Variants in PRKG1 observed in about 807,000 individuals in gnomAD.
PRKG1 encodes the protein protein kinase cGMP-dependent 1, also known as cGMP-dependent protein kinase 1.
A neutral mutation model predicts 88.1 loss-of-function variants in PRKG1; 35 were observed. The observed-to-expected ratio is 0.40, with a 90% confidence interval of 0.30 to 0.53. The LOEUF (loss-of-function observed/expected upper bound fraction) is 0.53, where lower values mean the gene tolerates loss of function less well. PRKG1 is among the 20% of genes least tolerant of loss of function. The probability of loss-of-function intolerance (pLI) is 0.59; values close to 1 mark genes in which losing one functional copy is unlikely to be tolerated. For synonymous variants in PRKG1, 303 were observed against 292.5 expected, an observed-to-expected ratio of 1.04 and a Z score of -0.37; for missense variants, 540 against 839.8, an observed-to-expected ratio of 0.64 and a Z score of 4.41.
intron 7 of PRKG1, among the ~76,000 whole-genome samples, chr10:52,111,732 A>G (rs764509170): frequency 6.6e-6 from 1 of 152,144 alleles, no homozygotes; most frequent in Non-Finnish European, 1.5e-5. Flanking sequence ...ACTGCTTATA[A>G]CTTTGTGGAG....
At chr10:52,028,701 T>G (rs1056034967) in intron 5 of PRKG1, among the ~76,000 whole-genome samples, 9 of 152,258 alleles carry the variant, frequency 5.9e-5, no homozygotes, top group Non-Finnish European at 1.0e-4. Flanking sequence ...TTTAAGAACC[T>G]ACTTGGAATT....
At chr10:51,708,380 A>C (rs1463452664) in intron 3 of PRKG1, among the ~76,000 whole-genome samples, 3 of 152,152 alleles carry the variant, frequency 2.0e-5, no homozygotes, top group African/African-American at 7.2e-5. Flanking sequence ...TAGGGCTTCA[A>C]CATATGAATT....
chr10:51,689,901 G>A (rs1481276163), intron 3 of PRKG1, among the ~76,000 whole-genome samples: 1 of 152,204 alleles, frequency 6.6e-6, no homozygotes, highest in Admixed American at 6.5e-5. Context: ...ACGGTAGTGT[G>A]CGACATTGGT....
chr10:52,164,631 T>A (rs1470138204), intron 9 of PRKG1, among the ~76,000 whole-genome samples: 4 of 151,854 alleles, frequency 2.6e-5, no homozygotes, highest in African/African-American at 9.7e-5. Flanking sequence ...TCAATTCTAA[T>A]TAAAGAAGAA....
At chr10:51,057,016 G>A (rs956273767) in intron 1 of PRKG1, among the ~76,000 whole-genome samples, 13 of 152,134 alleles carry the variant, frequency 8.5e-5, no homozygotes, top group African/African-American at 2.9e-4. Flanking sequence ...TTTCTTGAAT[G>A]TGTATACATG....
intron 1 of PRKG1, among the ~76,000 whole-genome samples, chr10:51,122,319 A>G (rs1307513298): frequency 6.6e-6 from 1 of 152,234 alleles, no homozygotes; most frequent in Non-Finnish European, 1.5e-5. Context: ...AACAGTAGTG[A>G]GACATCCGTC....
At chr10:51,032,059 G>A (rs1462775705) in intron 1 of PRKG1, among the ~76,000 whole-genome samples, 2 of 152,138 alleles carry the variant, frequency 1.3e-5, no homozygotes, top group Non-Finnish European at 2.9e-5. Flanking sequence ...TTGAGTGGGG[G>A]GAACTGCAGG....
At chr10:51,496,169 T>C (rs1412881275) in intron 3 of PRKG1, among the ~76,000 whole-genome samples, 1 of 152,214 alleles carries the variant, frequency 6.6e-6, no homozygotes, top group Non-Finnish European at 1.5e-5. Context: ...TTAGGATTGG[T>C]AATGCCATTC....
At chr10:51,558,337 A>G (rs1234440737) in intron 3 of PRKG1, among the ~76,000 whole-genome samples, 1 of 152,158 alleles carries the variant, frequency 6.6e-6, no homozygotes, top group Non-Finnish European at 1.5e-5. Flanking sequence ...TTCACCAGGA[A>G]TCAAGAAAAA....
chr10:52,068,189 C>T lies in PRKG1; in HGVS notation c.935+5558C>T, dbSNP rs1271663025. 1.9e-4 allele frequency among the ~76,000 whole-genome samples: 14 copies of T among 74,474 alleles called. 1 individual carries two copies. The East Asian group carries it at 1.9e-3, about 10-fold the overall frequency. The allele number at this position is 74,474 out of a possible 152,430, so 48.9% of individuals were successfully genotyped here. On this transcript the variant is annotated intron_variant, in intron 7 of 17. Coordinates refer to ENST00000373980, the MANE Select transcript of PRKG1 (RefSeq NM_006258.4). ...CTGCACTCCAGCCTGGGCGACAGAG[C>T]GAAACTCCGTCTCAAAAAAAAAAAA...
At chr10:51,723,621 A>AAAAAAAAAAAAG (rs55695811) in intron 3 of PRKG1, among the ~76,000 whole-genome samples, 1 of 150,854 alleles carries the variant, frequency 6.6e-6, no homozygotes. Flanking sequence ...GCATGACAAA[A>AAAAAAAAAAAAG]AAAAAGAAAA....
At chr10:51,380,939 G>A (rs568693500) in intron 2 of PRKG1, among the ~76,000 whole-genome samples, 3 of 152,154 alleles carry the variant, frequency 2.0e-5, no homozygotes, top group Non-Finnish European at 2.9e-5. Context: ...TAACTGCCCT[G>A]GGTGTGCCTG....
intron 2 of PRKG1, among the ~76,000 whole-genome samples, chr10:51,255,507 T>C (rs1839534376): frequency 6.6e-6 from 1 of 152,080 alleles, no homozygotes; most frequent in African/African-American, 2.4e-5. Context: ...TAGGCTGGAC[T>C]CTGGGTGTAG....
chr10:51,276,036 A>G (rs1405867345), intron 2 of PRKG1, among the ~76,000 whole-genome samples: 2 of 151,836 alleles, frequency 1.3e-5, no homozygotes, highest in African/African-American at 4.8e-5. Flanking sequence ...ACATATGTAT[A>G]CATGTGCCAT....
chr10:52,243,538 TGA>T (rs1291405200), intron 9 of PRKG1, among the ~76,000 whole-genome samples: 1 of 152,184 alleles, frequency 6.6e-6, no homozygotes, highest in Non-Finnish European at 1.5e-5. Context: ...TTTAAAATGG[TGA>T]CTCTCTGCTG....
rs535227864 is a variant in PRKG1 at position 51,506,922 on chromosome 10, C to T, written c.592+39086C>T. 2.0e-5 allele frequency among the ~76,000 whole-genome samples: 3 copies of T among 152,118 alleles called. No homozygotes were observed. In the South Asian group the frequency reaches 6.2e-4, roughly 32 times the overall value. ...AAGACAAATGTCCAACAATGATAGACTAGATTAAGAAAATATGACACATAT... is the reference window on the plus strand; with the variant it reads ...AAGACAAATGTCCAACAATGATAGATTAGATTAAGAAAATATGACACATAT... On this transcript the variant is annotated intron_variant, in intron 3 of 17. Coordinates refer to ENST00000373980, the MANE Select transcript of PRKG1 (RefSeq NM_006258.4).
At chr10:51,250,399 A>G (rs1839397680) in intron 2 of PRKG1, among the ~76,000 whole-genome samples, 1 of 151,944 alleles carries the variant, frequency 6.6e-6, no homozygotes, top group East Asian at 1.9e-4. Flanking sequence ...AACCCATGGG[A>G]AAGTGGGAAG....
chr10:51,273,761 A>G (rs2132182805), intron 2 of PRKG1, among the ~76,000 whole-genome samples: 1 of 152,300 alleles, frequency 6.6e-6, no homozygotes, highest in Non-Finnish European at 1.5e-5. Flanking sequence ...AGAAACTGGA[A>G]CTTCCTCATC....
intron 8 of PRKG1, among the ~76,000 whole-genome samples, chr10:52,153,881 G>A (rs975296213): frequency 5.9e-5 from 9 of 152,046 alleles, no homozygotes; most frequent in Non-Finnish European, 1.3e-4. Context: ...GAGTAGCTGG[G>A]ATTACAGGCA....
Sources: allele counts gnomAD v4.1 joint callset (sites outside exome capture counted in the v4.1 genomes callset), GRCh38; gene constraint gnomAD v4.1.1; transcripts MANE v1.5; gene names NCBI Gene and HGNC (gene_info 2026-07-23, HGNC 2026-07-21).